The following PSMD14 variants were observed in gnomAD, a reference collection of about 807,000 sequenced individuals.
PSMD14 encodes the protein proteasome 26S subunit, non-ATPase 14.
A neutral mutation model predicts 41.2 loss-of-function variants in PSMD14; 7 were observed. The observed-to-expected ratio is 0.17, with a 90% confidence interval of 0.10 to 0.32. PSMD14 has a LOEUF of 0.32. Among genes scored for constraint, PSMD14 ranks in the 10% least tolerant of loss-of-function variants. The pLI is 1.00. For synonymous variants in PSMD14, 114 were observed against 122.3 expected (o/e 0.93, Z 0.45); for missense variants, 139 against 375.6 (o/e 0.37, Z 5.21).
chr2:161,399,442 T>C (rs1259712949), intron 10 of PSMD14, among the ~76,000 whole-genome samples: 1 of 152,136 alleles, frequency 6.6e-6, no homozygotes, highest in East Asian at 1.9e-4. Flanking sequence ...ATAAAATATT[T>C]ATTTTATTTT....
chr2:161,338,490 T>TAA (rs1682900814), intron 3 of PSMD14, among the ~76,000 whole-genome samples: 2 of 152,174 alleles, frequency 1.3e-5, no homozygotes, highest in African/African-American at 2.4e-5. Context: ...TTTTCTACTC[T>TAA]TTTAGACTTG....
intron 3 of PSMD14, among the ~76,000 whole-genome samples, chr2:161,366,172 G>A (rs1424101575): frequency 6.6e-6 from 1 of 152,120 alleles, no homozygotes; most frequent in Non-Finnish European, 1.5e-5. Flanking sequence ...TGCATTAGGT[G>A]ATAATAGATG....
intron 3 of PSMD14, among the ~76,000 whole-genome samples, chr2:161,366,413 C>T (rs981288005): frequency 5.3e-5 from 8 of 151,790 alleles, no homozygotes; most frequent in Non-Finnish European, 1.2e-4. Flanking sequence ...CACACACACA[C>T]ACACACACAA....
At chr2:161,395,054 A>G in intron 9 of PSMD14, 24 bp from the exon 10 acceptor site, 1 of 1,556,374 alleles carries the variant, frequency 6.4e-7, no homozygotes, top group Admixed American at 2.1e-5. Context: ...CAGAAAAAGA[A>G]TTACTTTTTC....
chr2:161,308,900 C>T (rs992857676), intron 1 of PSMD14: 3 of 152,234 alleles, frequency 2.0e-5, no homozygotes, highest in Non-Finnish European at 4.4e-5. Context: ...TGTCTGTGCT[C>T]TATCCATAGT....
In PSMD14 at chr2:161,310,034, G is replaced by A. The variant is rs376381160; in HGVS notation, c.-138+1430G>A. ...AAATCAGCCGGGCATGGTGGCACGT[G>A]CCTGTATTCCCAGCTACCTCAGGAG... On this transcript the variant is annotated intron_variant, in intron 1 of 11. Transcript: ENST00000409682. Among the ~76,000 whole-genome samples, 6 of 152,210 alleles carry A rather than the reference G, an allele frequency of 3.9e-5. No individual in the cohort carries two copies. The East Asian group carries it at 1.2e-3, about 29-fold the overall frequency.
intron 5 of PSMD14, 78 bp from the exon 6 acceptor site, chr2:161,370,029 A>G (rs1446475073): frequency 9.3e-7 from 1 of 1,076,154 alleles, no homozygotes; most frequent in East Asian, 2.7e-5. Flanking sequence ...TGATTTTGGC[A>G]ACCCCAAATA....
intron 3 of PSMD14, among the ~76,000 whole-genome samples, chr2:161,343,721 G>A (rs949853131): frequency 2.0e-5 from 3 of 152,178 alleles, no homozygotes; most frequent in Admixed American, 6.5e-5. Context: ...TTAGCTCCTC[G>A]GGAGCCTAAG....
At chr2:161,355,554 GTCTTTCTTTTTT>G (rs921835587) in intron 3 of PSMD14, among the ~76,000 whole-genome samples, 5 of 151,580 alleles carry the variant, frequency 3.3e-5, no homozygotes, top group East Asian at 3.9e-4. Context: ...CTTTCTTTTT[GTCTTTCTTTTTT>G]TCTTTTAAAG....
intron 10 of PSMD14, among the ~76,000 whole-genome samples, chr2:161,400,737 G>A (rs910004184): frequency 2.0e-5 from 3 of 151,826 alleles, no homozygotes; most frequent in East Asian, 1.9e-4. Flanking sequence ...GTAGAGATGG[G>A]GTTTCACTCT....
chr2:161,310,061 C>G (rs1689070699), intron 1 of PSMD14, among the ~76,000 whole-genome samples: 1 of 152,082 alleles, frequency 6.6e-6, no homozygotes, highest in South Asian at 2.1e-4. Flanking sequence ...CCTCAGGAGG[C>G]TGGAGGTGGA....
At chr2:161,327,992 G>GTGAT (rs1553503795) in intron 3 of PSMD14, among the ~76,000 whole-genome samples, 8 of 150,178 alleles carry the variant, frequency 5.3e-5, no homozygotes, top group Non-Finnish European at 1.0e-4. Context: ...GTGAGATGTT[G>GTGAT]GTTAGGAATT....
chr2:161,408,769 G>T (rs2105274190), intron 10 of PSMD14, 68 bp from the exon 11 acceptor site: 2 of 1,180,186 alleles, frequency 1.7e-6, no homozygotes, highest in Non-Finnish European at 2.4e-6. Flanking sequence ...ATTATTTTTG[G>T]TGATTATCCT....
intron 10 of PSMD14, among the ~76,000 whole-genome samples, chr2:161,404,071 A>G (rs1298649526): frequency 7.0e-6 from 1 of 142,928 alleles, no homozygotes; most frequent in Non-Finnish European, 1.5e-5. Flanking sequence ...ATGCCTGGCT[A>G]TTTTTTTTTT....
In PSMD14 at chr2:161,316,093, G is replaced by C. The variant is rs796534401; in HGVS notation, c.-137-344G>C. On this transcript the variant is annotated intron_variant, in intron 1 of 11. Coordinates refer to ENST00000409682, the MANE Select transcript of PSMD14 (RefSeq NM_005805.6). ...TCCTGACCTCAGGTGATCCGCCCGCGTTGGCCTCCCAAAGTGCTGGGATTA... is the reference window on the plus strand; with the variant it reads ...TCCTGACCTCAGGTGATCCGCCCGCCTTGGCCTCCCAAAGTGCTGGGATTA... Among the ~76,000 whole-genome samples the C allele has an allele frequency of 1.5e-4, 23 of 152,122 alleles. No homozygotes were observed. The South Asian group carries it at 4.8e-3, about 32-fold the overall frequency.
At chr2:161,352,036 A>G (rs1188963616) in intron 3 of PSMD14, among the ~76,000 whole-genome samples, 1 of 152,182 alleles carries the variant, frequency 6.6e-6, no homozygotes, top group Non-Finnish European at 1.5e-5. Flanking sequence ...GTATCTCACT[A>G]AATTGAAATT....
At chr2:161,313,432 C>T (rs1574111336) in intron 1 of PSMD14, among the ~76,000 whole-genome samples, 1 of 152,196 alleles carries the variant, frequency 6.6e-6, no homozygotes, top group Non-Finnish European at 1.5e-5. Flanking sequence ...TCACTGCAAC[C>T]TCCACCTCCT....
At chr2:161,360,944 T>G (rs543942361) in intron 3 of PSMD14, among the ~76,000 whole-genome samples, 4 of 152,348 alleles carry the variant, frequency 2.6e-5, no homozygotes, top group South Asian at 4.1e-4. Context: ...ACTGACTTCT[T>G]GTCATAAATG....
intron 3 of PSMD14, among the ~76,000 whole-genome samples, chr2:161,350,321 T>G (rs1475535052): frequency 6.6e-6 from 1 of 152,240 alleles, no homozygotes; most frequent in African/African-American, 2.4e-5. Context: ...GTAAAAATAC[T>G]TATTTATCTG....
Sources: allele counts gnomAD v4.1 joint callset (sites outside exome capture counted in the v4.1 genomes callset), GRCh38; gene constraint gnomAD v4.1.1; transcripts MANE v1.5; gene names NCBI Gene and HGNC (gene_info 2026-07-23, HGNC 2026-07-21).